Variants in SAMD12 observed in about 807,000 individuals in gnomAD.
The protein encoded by SAMD12 is sterile alpha motif domain-containing protein 12.
SAMD12 carries 9 observed loss-of-function variants against 15.0 expected under a neutral mutation model. The observed-to-expected ratio is 0.60, with a 90% confidence interval of 0.36 to 1.05. SAMD12 has a LOEUF of 1.05. Among genes scored for constraint, SAMD12 ranks in the 50% least tolerant of loss-of-function variants. The pLI is 0.01. For missense variants in SAMD12, 230 were observed against 234.2 expected (o/e 0.98, Z 0.12); for synonymous variants, 86 against 90.1 (o/e 0.96, Z 0.25).
chr8:118,201,465 C>T lies in SAMD12; in HGVS notation c.434-3733G>A, dbSNP rs539704488. Among the ~76,000 whole-genome samples the T allele has an allele frequency of 4.3e-4, 65 of 152,266 alleles. 1 individual carries two copies. Among genetic ancestry groups the T allele is most frequent in the African/African-American group, 1.5e-3 (64 of 41,548 alleles). ...GGCATCTCAAATTTTTACCAAAAAACCCACAATGAACACTTCAATTTAATG... is the reference window on the plus strand; with the variant it reads ...GGCATCTCAAATTTTTACCAAAAAATCCACAATGAACACTTCAATTTAATG... On this transcript the variant is annotated intron_variant, in intron 4 of 4. Transcript: ENST00000409003.
chr8:118,445,279 T>C (rs1054951142), intron 2 of SAMD12, among the ~76,000 whole-genome samples: 2 of 152,172 alleles, frequency 1.3e-5, no homozygotes, highest in African/African-American at 4.8e-5. Context: ...ATAGAATACT[T>C]GATATATGAA....
chr8:118,202,557 A>C (rs1266471848), intron 4 of SAMD12, among the ~76,000 whole-genome samples: 2 of 152,308 alleles, frequency 1.3e-5, no homozygotes, highest in East Asian at 1.9e-4. Context: ...TCTGGGATGG[A>C]TTATGTCCCG....
In SAMD12 at chr8:118,378,712, A is replaced by G. The variant is rs1819509978; in HGVS notation, c.*705T>C. ...CATCCTTTCATTTAAAACGATGTAC[A>G]ATGGACGCTAAAATAAAACAAATAA... On this transcript the variant is annotated 3_prime_UTR_variant, in exon 4 of 4. Coordinates refer to ENST00000314727, the MANE Select transcript of SAMD12 (RefSeq NM_207506.3). The G allele has an allele frequency of 1.0e-6, 1 of 985,058 alleles. No homozygotes were observed. The highest frequency in any genetic ancestry group is 1.7e-5 in the African/African-American group (1 of 57,242). 61.0% of individuals were successfully genotyped at this position (985,058 alleles called of 1,614,324 possible).
intron 4 of SAMD12, among the ~76,000 whole-genome samples, chr8:118,299,722 A>G (rs1256089362): frequency 1.3e-5 from 2 of 152,178 alleles, no homozygotes; most frequent in Non-Finnish European, 2.9e-5. Context: ...AAGATGACCC[A>G]AAAATATACT....
rs141866354 is a variant in SAMD12 at position 118,417,076 on chromosome 8, T to C, written c.322+22756A>G. ...CTAAAGATTATTGTTTCCAGAAGAATAGTTTTGTTTTTTGTTTTTTGGTTT... is the reference window on the plus strand; with the variant it reads ...CTAAAGATTATTGTTTCCAGAAGAACAGTTTTGTTTTTTGTTTTTTGGTTT... On this transcript the variant is annotated intron_variant, in intron 3 of 3. Transcript: ENST00000314727. Among the ~76,000 whole-genome samples, 207 of 152,070 alleles carry C rather than the reference T, an allele frequency of 1.4e-3. 1 individual carries two copies. Among genetic ancestry groups the C allele is most frequent in the African/African-American group, 4.4e-3 (184 of 41,482 alleles).
At chr8:118,411,467 A>G (rs1821401849) in intron 3 of SAMD12, among the ~76,000 whole-genome samples, 1 of 152,228 alleles carries the variant, frequency 6.6e-6, no homozygotes, top group Non-Finnish European at 1.5e-5. Context: ...TTAAGGGAGT[A>G]TGTCATTGAT....
chr8:118,445,861 T>C (rs998070793), intron 2 of SAMD12, among the ~76,000 whole-genome samples: 2 of 152,180 alleles, frequency 1.3e-5, no homozygotes, highest in Admixed American at 6.5e-5. Context: ...ATTATTAGTT[T>C]TTTCGTCTGT....
chr8:118,303,877 G>T (rs1351154635), intron 4 of SAMD12, among the ~76,000 whole-genome samples: 1 of 152,140 alleles, frequency 6.6e-6, no homozygotes, highest in Non-Finnish European at 1.5e-5. Context: ...CACAGAAATG[G>T]TCTTAGCCAA....
chr8:118,190,309 A>G (rs538929864), exon 5 of SAMD12: 1 of 152,244 alleles, frequency 6.6e-6, no homozygotes, highest in East Asian at 1.9e-4. Context: ...GTAGTTCATC[A>G]AAAAAGTTTG....
At chr8:118,423,951 C>T (rs146708568) in intron 3 of SAMD12, among the ~76,000 whole-genome samples, 4 of 152,018 alleles carry the variant, frequency 2.6e-5, no homozygotes, top group Non-Finnish European at 4.4e-5. Flanking sequence ...TAAGGAAGGG[C>T]GAGAATCACA....
At chr8:118,518,111 C>T (rs1000652085) in intron 2 of SAMD12, among the ~76,000 whole-genome samples, 5 of 152,194 alleles carry the variant, frequency 3.3e-5, no homozygotes, top group Non-Finnish European at 5.9e-5. Context: ...TGCCTTGTGT[C>T]TACCTCAAAA....
intron 4 of SAMD12, among the ~76,000 whole-genome samples, chr8:118,226,322 G>A (rs1377795169): frequency 6.6e-6 from 1 of 152,088 alleles, no homozygotes; most frequent in Non-Finnish European, 1.5e-5. Flanking sequence ...TTCTTTCTGT[G>A]GCGTACTGAA....
chr8:118,163,840 C>A, the SAMD12 span, among the ~76,000 whole-genome samples: 39,604 of 151,420 alleles, frequency 0.26, 6,098 homozygotes, highest in South Asian at 0.39. Flanking sequence ...GCGCCACTGC[C>A]CTCCAGCCTG....
At chr8:118,340,788 A>G (rs1299097616) in intron 4 of SAMD12, among the ~76,000 whole-genome samples, 2 of 152,160 alleles carry the variant, frequency 1.3e-5, no homozygotes, top group East Asian at 3.9e-4. Context: ...TTAATTTCCA[A>G]AAGTATACAC....
intron 3 of SAMD12, among the ~76,000 whole-genome samples, chr8:118,389,242 A>T (rs1037870014): frequency 1.3e-5 from 2 of 152,222 alleles, no homozygotes; most frequent in African/African-American, 4.8e-5. Context: ...AAATTATTTG[A>T]AGTACACCTT....
intron 3 of SAMD12, among the ~76,000 whole-genome samples, chr8:118,427,151 A>G (rs999163264): frequency 6.6e-6 from 1 of 152,170 alleles, no homozygotes; most frequent in African/African-American, 2.4e-5. Context: ...TTCAAACTCA[A>G]TTTCTCTATA....
At chr8:118,329,128 A>G (rs975999562) in intron 4 of SAMD12, among the ~76,000 whole-genome samples, 2 of 152,078 alleles carry the variant, frequency 1.3e-5, no homozygotes, top group African/African-American at 2.4e-5. Flanking sequence ...AAGTAAACAA[A>G]AAAAATCACT....
At chr8:118,525,408 T>C (rs1825506509) in intron 2 of SAMD12, among the ~76,000 whole-genome samples, 1 of 152,162 alleles carries the variant, frequency 6.6e-6, no homozygotes, top group Non-Finnish European at 1.5e-5. Context: ...CATTTACATC[T>C]TTCTTCATTG....
intron 2 of SAMD12, among the ~76,000 whole-genome samples, chr8:118,445,544 A>G (rs557047490): frequency 2.1e-3 from 322 of 152,308 alleles, no homozygotes; most frequent in Non-Finnish European, 3.9e-3. Flanking sequence ...AAAGAAGAAT[A>G]CATATCCCCT....
Sources: allele counts gnomAD v4.1 joint callset (sites outside exome capture counted in the v4.1 genomes callset), GRCh38; gene constraint gnomAD v4.1.1; transcripts MANE v1.5; gene names NCBI Gene and HGNC (gene_info 2026-07-23, HGNC 2026-07-21).